ERI3: variants seen among roughly 807,000 people sequenced by gnomAD.
The protein encoded by ERI3 is ERI1 exoribonuclease 3.
ERI3 carries 18 observed loss-of-function variants against 44.4 expected under a neutral mutation model. The ratio of observed to expected loss-of-function variants is 0.41; its 90% CI spans 0.28 to 0.60. The LOEUF (loss-of-function observed/expected upper bound fraction) is 0.60, where lower values mean the gene tolerates loss of function less well. Ranked by LOEUF, ERI3 falls within the 20% of genes least tolerant of loss-of-function variation. ERI3 has a pLI of 0.36. For synonymous variants in ERI3, 183 were observed against 164.8 expected, an observed-to-expected ratio of 1.11 and a Z score of -0.84; for missense variants, 294 against 435.5, an observed-to-expected ratio of 0.68 and a Z score of 2.89.
In ERI3 at chr1:44,333,354, C is replaced by T. The variant is rs530716140; in HGVS notation, c.489+5691G>A. Among the ~76,000 whole-genome samples the T allele has an allele frequency of 7.2e-5, 11 of 152,350 alleles. 1 individual carries two copies. In the East Asian group the frequency reaches 2.1e-3, roughly 29 times the overall value. On this transcript the variant is annotated intron_variant, in intron 3 of 8. Transcript: ENST00000372257. ...TCGCCTGTCTGTACAGAAAAAAGTA[C>T]ATGCTGACTGGGGCCACAGACAGAG... is the stretch of plus-strand genomic sequence containing the variant.
chr1:44,334,293 G>C (rs575652628), intron 3 of ERI3, among the ~76,000 whole-genome samples: 2 of 152,318 alleles, frequency 1.3e-5, no homozygotes, highest in East Asian at 1.9e-4. Context: ...GGTGGTGAGT[G>C]AACTTGCCCC....
At chr1:44,332,280 C>T (rs1646446470) in intron 3 of ERI3, among the ~76,000 whole-genome samples, 2 of 152,166 alleles carry the variant, frequency 1.3e-5, no homozygotes, top group African/African-American at 2.4e-5. Context: ...TTCCCCACCA[C>T]CAACCTTAGC....
intron 7 of ERI3, among the ~76,000 whole-genome samples, chr1:44,258,488 G>C (rs976911038): frequency 1.3e-5 from 2 of 152,106 alleles, no homozygotes; most frequent in East Asian, 1.9e-4. Context: ...CTCTTCATTA[G>C]ATTGTTCATG....
chr1:44,265,238 G>A (rs1344534660), intron 7 of ERI3, among the ~76,000 whole-genome samples: 29 of 152,234 alleles, frequency 1.9e-4, no homozygotes, highest in Non-Finnish European at 1.9e-4. Context: ...CAGATCACCT[G>A]TTGTTGGTGA....
chr1:44,298,328 T>C (rs1007936719), intron 6 of ERI3, among the ~76,000 whole-genome samples: 4 of 152,082 alleles, frequency 2.6e-5, no homozygotes, highest in African/African-American at 4.8e-5. Flanking sequence ...GGTTCCAGAA[T>C]AGACAGGGAA....
rs148609770 is a variant in ERI3, at chr1:44,280,438, A to G, written c.831+4397T>C. Among the ~76,000 whole-genome samples the G allele has an allele frequency of 2.9e-3, 441 of 152,338 alleles. 5 individuals carry two copies. Among genetic ancestry groups the G allele is most frequent in the Middle Eastern group, 0.014 (4 of 294 alleles). ...CATCTTTCACCTGGACCACAGAAAC[A>G]GCCTAATTCTGTGGTTCTCAACCAA... On this transcript the variant is annotated intron_variant, in intron 7 of 8. Coordinates refer to ENST00000372257, the MANE Select transcript of ERI3 (RefSeq NM_024066.3).
chr1:44,337,945 T>C (rs532185151), intron 3 of ERI3, among the ~76,000 whole-genome samples: 2 of 152,070 alleles, frequency 1.3e-5, no homozygotes, highest in African/African-American at 4.8e-5. Flanking sequence ...TAGAGAAGAG[T>C]TACAGTCCTA....
Position 44,231,928 on chromosome 1 carries a change from T to C in ERI3, c.932-10288A>G, listed in dbSNP as rs191268161. ...ATATTCTGCTGGATGTTTTCGTAAC[T>C]GCACATAATGTCTGGGACTGCAGAA... On this transcript the variant is annotated intron_variant, in intron 8 of 8. Coordinates refer to ENST00000372257, the MANE Select transcript of ERI3 (RefSeq NM_024066.3). Among the ~76,000 whole-genome samples the C allele has an allele frequency of 1.6e-4, 24 of 152,298 alleles. No individual in the cohort carries two copies. In the East Asian group the frequency reaches 3.3e-3, roughly 21 times the overall value.
chr1:44,301,666 C>A (rs1449056134), intron 6 of ERI3, among the ~76,000 whole-genome samples: 1 of 152,208 alleles, frequency 6.6e-6, no homozygotes, highest in Non-Finnish European at 1.5e-5. Context: ...CTGAACCCCA[C>A]CTCCAGGGTG....
chr1:44,269,065 T>C (rs781730393), intron 7 of ERI3, among the ~76,000 whole-genome samples: 10 of 152,190 alleles, frequency 6.6e-5, no homozygotes, highest in Non-Finnish European at 1.0e-4. Context: ...AATGGGACAG[T>C]GGAGCCATCC....
intron 7 of ERI3, 155 bp downstream of exon 7, chr1:44,284,680 A>T: frequency 3.2e-6 from 2 of 625,984 alleles, no homozygotes; most frequent in Non-Finnish European, 5.6e-6. Context: ...ACCACATTTC[A>T]GTGCATATTA....
chr1:44,263,765 C>T (rs1644937878), intron 7 of ERI3, among the ~76,000 whole-genome samples: 2 of 152,246 alleles, frequency 1.3e-5, no homozygotes, highest in South Asian at 4.1e-4. Flanking sequence ...CCAACACACA[C>T]TCTTGCCCCT....
In ERI3 at chr1:44,355,240, T is replaced by A. The variant is rs879083353; in HGVS notation, c.-214A>T. The A allele has an allele frequency of 9.3e-6, 11 of 1,177,660 alleles. No homozygotes were observed. Among genetic ancestry groups the A allele is most frequent in the East Asian group, 3.7e-5 (1 of 26,814 alleles). The allele number at this position is 1,177,660 out of a possible 1,614,324, so 73.0% of individuals were successfully genotyped here. ...GAACAGCGGCAGCCAGCACCACGAG[T>A]CCACAACACACCGACTCACCTCCGC... On this transcript the variant is annotated 5_prime_UTR_variant, in exon 1 of 9. Transcript: ENST00000372257.
chr1:44,302,241 T>C (rs325150), intron 6 of ERI3, among the ~76,000 whole-genome samples: 148,200 of 152,354 alleles, frequency 0.97, 72,109 homozygotes, highest in Middle Eastern at 1. Context: ...AGCTCAGTTC[T>C]GCTTTGCTAA....
intron 2 of ERI3, among the ~76,000 whole-genome samples, chr1:44,346,433 T>C (rs1287108717): frequency 1.3e-5 from 2 of 152,258 alleles, no homozygotes; most frequent in South Asian, 2.1e-4. Context: ...CCATGCCCAG[T>C]AGCTTGGGCA....
intron 6 of ERI3, among the ~76,000 whole-genome samples, chr1:44,292,209 G>A (rs1351903403): frequency 6.6e-6 from 1 of 152,044 alleles, no homozygotes; most frequent in Non-Finnish European, 1.5e-5. Context: ...GGGGTGACAG[G>A]AAAAGGGAAA....
At chr1:44,248,658 G>A (rs1316134339) in intron 7 of ERI3, among the ~76,000 whole-genome samples, 1 of 151,860 alleles carries the variant, frequency 6.6e-6, no homozygotes, top group Non-Finnish European at 1.5e-5. Context: ...CAGCTGGGAG[G>A]GGTGTACATG....
intron 6 of ERI3, among the ~76,000 whole-genome samples, chr1:44,302,521 T>C (rs1353163576): frequency 6.6e-6 from 1 of 152,184 alleles, no homozygotes; most frequent in Non-Finnish European, 1.5e-5. Flanking sequence ...GTGTCCAAAG[T>C]GAAGTTGGCT....
At chr1:44,343,446 A>G (rs996870327) in intron 2 of ERI3, among the ~76,000 whole-genome samples, 3 of 152,216 alleles carry the variant, frequency 2.0e-5, no homozygotes, top group Non-Finnish European at 2.9e-5. Flanking sequence ...GAGAAGAACA[A>G]AGCATCATTT....
Sources: gnomAD v4.1 joint callset for allele counts (sites outside exome capture counted in the v4.1 genomes callset) on GRCh38, gnomAD v4.1.1 for gene constraint, MANE v1.5 for transcripts, NCBI Gene and HGNC (gene_info 2026-07-23, HGNC 2026-07-21) for gene names.